EVL: variants seen among roughly 807,000 people sequenced by gnomAD.
EVL encodes Enah/Vasp-like, also known as ena/VASP-like protein.
EVL carries 21 observed loss-of-function variants against 59.6 expected under a neutral mutation model. The ratio of observed to expected loss-of-function variants is 0.35; its 90% CI spans 0.25 to 0.51. The LOEUF is 0.51. EVL is among the 20% of genes least tolerant of loss of function. The pLI is 0.97. For missense variants in EVL, 462 were observed against 546.6 expected (o/e 0.85, Z 1.54); for synonymous variants, 198 against 203.5 (o/e 0.97, Z 0.23).
intron 1 of EVL, among the ~76,000 whole-genome samples, chr14:100,042,336 C>G (rs1442888305): frequency 6.6e-6 from 1 of 152,196 alleles, no homozygotes; most frequent in African/African-American, 2.4e-5. Context: ...GACAGAGAAT[C>G]TCGGTTACAT....
In EVL at chr14:100,120,370, G is replaced by A. The variant is rs78902831; in HGVS notation, c.359-3169G>A. On this transcript the variant is annotated intron_variant, in intron 3 of 13. Transcript: ENST00000392920. ...GAGCCAGGCTATGAGCGTGGAGTGC[G>A]GAGTGAGACGTGCTCTCTGCCTGCA... Among the ~76,000 whole-genome samples, 1,099 of 152,304 alleles carry A rather than the reference G, an allele frequency of 7.2e-3. 16 individuals are homozygous for A. The highest frequency in any genetic ancestry group is 0.025 in the African/African-American group (1,035 of 41,562).
chr14:100,136,489 A>C (rs886744921), intron 9 of EVL, among the ~76,000 whole-genome samples: 1 of 152,170 alleles, frequency 6.6e-6, no homozygotes, highest in Non-Finnish European at 1.5e-5. Context: ...GAGTATGATG[A>C]GGCTTCGCAG....
At chr14:100,016,078 CAAAA>C (rs756318037) in intron 1 of EVL, among the ~76,000 whole-genome samples, 1 of 90,124 alleles carries the variant, frequency 1.1e-5, no homozygotes, top group Non-Finnish European at 2.5e-5. Flanking sequence ...GACTCTGTCT[CAAAA>C]AAAAAAAAAA....
rs142541992 is a variant in EVL at position 100,033,891 on chromosome 14, G to A, written c.6-50796G>A. Reference sequence around the variant, plus strand: ...TTTTAGTCATACACAAGACTTCGTGGGAAAAACAAAACAAAAACAAGAAGT... The same window carrying A: ...TTTTAGTCATACACAAGACTTCGTGAGAAAAACAAAACAAAAACAAGAAGT... On this transcript the variant is annotated intron_variant, in intron 1 of 13. Transcript: ENST00000402714. Among the ~76,000 whole-genome samples the A allele has an allele frequency of 2.6e-4, 40 of 152,146 alleles. 3 individuals are homozygous for A. The East Asian group carries it at 7.0e-3, about 26-fold the overall frequency.
chr14:100,022,476 C>T (rs1448472787), intron 1 of EVL, among the ~76,000 whole-genome samples: 5 of 152,088 alleles, frequency 3.3e-5, no homozygotes, highest in Non-Finnish European at 7.4e-5. Flanking sequence ...GACAGGGTTT[C>T]ACCATGTTGG....
chr14:100,132,855 G>A, intron 8 of EVL, 76 bp downstream of exon 8: 1 of 1,548,696 alleles, frequency 6.5e-7, no homozygotes, highest in Non-Finnish European at 8.9e-7. Flanking sequence ...TCTGGTCTCA[G>A]GCGAGGCCTT....
intron 3 of EVL, among the ~76,000 whole-genome samples, chr14:100,115,430 G>A (rs949871876): frequency 2.6e-5 from 4 of 152,230 alleles, no homozygotes; most frequent in South Asian, 4.1e-4. Context: ...GAACTCAAGC[G>A]CTTTTCCTCT....
chr14:100,143,762 T>G lies in EVL; in HGVS notation c.*24T>G, dbSNP rs372864579. On this transcript the variant is annotated 3_prime_UTR_variant, in exon 14 of 14. Transcript: ENST00000392920. ...AAGGGGCCGGCCTCGCTGCGCTGAT[T>G]CGTCGAGCCCATCCGGCGACAGAGG... The G allele has an allele frequency of 6.2e-7, 1 of 1,609,682 alleles. No homozygotes were observed. The highest frequency in any genetic ancestry group is 1.3e-5 in the African/African-American group (1 of 74,864).
chr14:99,997,934 CAT>C (rs1435291260), intron 1 of EVL, among the ~76,000 whole-genome samples: 3 of 152,228 alleles, frequency 2.0e-5, no homozygotes, highest in Admixed American at 1.3e-4. Context: ...CTCTTGGATT[CAT>C]AGTCTCCCAT....
At chr14:100,143,553 A>T in intron 13 of EVL, 148 bp from the exon 14 acceptor site, 1 of 895,356 alleles carries the variant, frequency 1.1e-6, no homozygotes, top group Non-Finnish European at 1.7e-6. Flanking sequence ...ATCACCCCAG[A>T]GGTCTATGCC....
intron 1 of EVL, among the ~76,000 whole-genome samples, chr14:100,036,333 T>C (rs75963652): frequency 0.043 from 6,565 of 152,238 alleles, 497 homozygotes; most frequent in African/African-American, 0.15. Context: ...GGACTTGAGC[T>C]AGAACTATTA....
chr14:100,108,471 C>T lies in EVL; in HGVS notation c.358+10813C>T, dbSNP rs956081475. On this transcript the variant is annotated intron_variant, in intron 3 of 13. Coordinates refer to ENST00000392920, the MANE Select transcript of EVL (RefSeq NM_016337.3). This position sits in a 1 kb window ranked among gnomAD's most constrained non-coding sequence, Gnocchi z 4.1. The stretch of plus-strand genomic sequence containing the variant: ...GGGAACAGGACGGCAAGCCCCTGGC[C>T]TCCTGCCTGCTCCCAGCTGCCCTCT... Among the ~76,000 whole-genome samples, 2 of 152,108 alleles carry T rather than the reference C, an allele frequency of 1.3e-5. No individual in the cohort carries two copies. The highest frequency in any genetic ancestry group is 4.8e-5 in the African/African-American group (2 of 41,356).
chr14:100,069,360 C>T (rs1240828446), intron 1 of EVL, among the ~76,000 whole-genome samples: 1 of 152,206 alleles, frequency 6.6e-6, no homozygotes, highest in Non-Finnish European at 1.5e-5. Context: ...CATCTTGAAG[C>T]TGTAAAGATA....
chr14:100,143,600 A>T (rs1326362460), intron 13 of EVL, 101 bp from the exon 14 acceptor site: 3 of 1,419,520 alleles, frequency 2.1e-6, no homozygotes, highest in Non-Finnish European at 2.9e-6. Context: ...TGGAACAGGG[A>T]CACATACCAG....
chr14:100,123,596 A>G lies in EVL; in HGVS notation c.416A>G (p.Gln139Arg), dbSNP rs1887837727. Reference sequence around the variant, plus strand: ...CCCTCTCCTGATGAGATGGACATCCAGAGAAGGTAACCCAGCACCCGCAGG... The same window carrying G: ...CCCTCTCCTGATGAGATGGACATCCGGAGAAGGTAACCCAGCACCCGCAGG... Reference protein sequence around the residue: ...NGPSPDEMDIQRRQVMEQHQQ... With the variant: ...NGPSPDEMDIRRRQVMEQHQQ... Residue 139 changes from glutamine (Q) to arginine (R), a missense_variant, in exon 4 of 14, where the codon CAG becomes CGG. By Grantham distance (43) the Gln-to-Arg change is conservative (BLOSUM62 1). Coordinates refer to ENST00000392920, the MANE Select transcript of EVL (RefSeq NM_016337.3). 3 of 1,613,962 alleles carry G rather than the reference A, an allele frequency of 1.9e-6. No homozygotes were observed.
At chr14:100,072,198 A>C (rs996488793) in intron 1 of EVL, among the ~76,000 whole-genome samples, 1 of 152,216 alleles carries the variant, frequency 6.6e-6, no homozygotes, top group Non-Finnish European at 1.5e-5. Flanking sequence ...ATCCCAAAAA[A>C]TCAGAAACAT....
At chr14:100,023,542 G>T (rs1389310845) in intron 1 of EVL, among the ~76,000 whole-genome samples, 1 of 151,746 alleles carries the variant, frequency 6.6e-6, no homozygotes. Flanking sequence ...GGTCAGGCTG[G>T]TCTCGAACTC....
chr14:100,077,550 G>A lies in EVL; in HGVS notation c.12-7137G>A, dbSNP rs184328307. Reference sequence around the variant, plus strand: ...GGGATTTATCAGTGTATTGGTGCTCGTGTAAACCCTGGCATGGATGACAGA... The same window carrying A: ...GGGATTTATCAGTGTATTGGTGCTCATGTAAACCCTGGCATGGATGACAGA... On this transcript the variant is annotated intron_variant, in intron 1 of 13. Transcript: ENST00000392920. Among the ~76,000 whole-genome samples, 255 of 152,296 alleles carry A rather than the reference G, an allele frequency of 1.7e-3. 3 individuals carry two copies. Among genetic ancestry groups the A allele is most frequent in the Admixed American group, 0.016 (244 of 15,300 alleles).
intron 1 of EVL, among the ~76,000 whole-genome samples, chr14:100,019,838 G>A (rs574534966): frequency 1.3e-5 from 2 of 152,348 alleles, no homozygotes; most frequent in African/African-American, 4.8e-5. Context: ...AGTCATGGGG[G>A]TGGGAGGTGC....
Sources: allele counts gnomAD v4.1 joint callset (sites outside exome capture counted in the v4.1 genomes callset), GRCh38; gene constraint gnomAD v4.1.1; non-coding constraint Gnocchi (gnomAD v3.1); transcripts MANE v1.5; gene names NCBI Gene and HGNC (gene_info 2026-07-23, HGNC 2026-07-21).